Variants in USH2A observed in about 807,000 individuals in gnomAD.
USH2A encodes the protein Usher syndrome 2A (autosomal recessive, mild).
Under a neutral mutation model 538.9 loss-of-function variants are expected in USH2A, and 443 were observed. The observed-to-expected ratio is 0.82, with a 90% CI of 0.76 to 0.89. USH2A has a LOEUF of 0.89. USH2A is among the 40% of genes least tolerant of loss of function. The pLI is 0.00. For synonymous variants in USH2A, 2,413 were observed against 2,273.5 expected, an observed-to-expected ratio of 1.06 and a Z score of -1.75; for missense variants, 6,633 against 6,324.8, an observed-to-expected ratio of 1.05 and a Z score of -1.65.
intron 37 of USH2A, among the ~76,000 whole-genome samples, chr1:215,962,390 G>T (rs1372651526): frequency 6.6e-6 from 1 of 152,044 alleles, no homozygotes; most frequent in East Asian, 1.9e-4. Flanking sequence ...AATAATAAAA[G>T]ATTAGAAACA....
At chr1:215,699,081 T>C (rs1411557839) in intron 61 of USH2A, among the ~76,000 whole-genome samples, 1 of 152,236 alleles carries the variant, frequency 6.6e-6, no homozygotes, top group East Asian at 1.9e-4. Context: ...AGGGAATCCT[T>C]TCCCCATTGC....
chr1:216,016,269 C>T (rs962886475), intron 32 of USH2A, among the ~76,000 whole-genome samples: 2 of 152,014 alleles, frequency 1.3e-5, no homozygotes, highest in Non-Finnish European at 2.9e-5. Context: ...GTGCATCACA[C>T]CAACATGGCA....
At chr1:216,189,567 C>A (rs1227268285) in intron 20 of USH2A, among the ~76,000 whole-genome samples, 1 of 151,946 alleles carries the variant, frequency 6.6e-6, no homozygotes, top group Non-Finnish European at 1.5e-5. Context: ...CTGAATGAAG[C>A]AAGCACAAAT....
intron 32 of USH2A, among the ~76,000 whole-genome samples, chr1:216,040,863 A>G (rs2030245035): frequency 6.6e-6 from 1 of 152,036 alleles, no homozygotes; most frequent in African/African-American, 2.4e-5. Context: ...TAAGAGATTA[A>G]TGGAGATCTT....
At chr1:215,683,296 T>C (rs950450083) in intron 61 of USH2A, among the ~76,000 whole-genome samples, 3 of 152,090 alleles carry the variant, frequency 2.0e-5, no homozygotes, top group Admixed American at 1.3e-4. Flanking sequence ...TAAATAGATC[T>C]AAACAATAGC....
intron 27 of USH2A, among the ~76,000 whole-genome samples, chr1:216,077,845 A>C (rs2102553894): frequency 6.6e-6 from 1 of 151,676 alleles, no homozygotes; most frequent in South Asian, 2.1e-4. Context: ...ATTACTATTT[A>C]CTGAGGACAT....
chr1:216,364,598 A>T (rs2038558201), intron 4 of USH2A, among the ~76,000 whole-genome samples: 1 of 152,172 alleles, frequency 6.6e-6, no homozygotes, highest in Non-Finnish European at 1.5e-5. Context: ...AGGGGAGAAG[A>T]TTCAGAGGAG....
At chr1:216,093,153 C>T (rs1318169623) in intron 22 of USH2A, among the ~76,000 whole-genome samples, 10 of 151,902 alleles carry the variant, frequency 6.6e-5, no homozygotes, top group African/African-American at 1.5e-4. Context: ...TTAGTAGAAA[C>T]GGGGTTTCAC....
chr1:216,218,385 C>T (rs1367489303), intron 14 of USH2A, among the ~76,000 whole-genome samples: 1 of 152,068 alleles, frequency 6.6e-6, no homozygotes, highest in Admixed American at 6.6e-5. Flanking sequence ...AACGTTGGTG[C>T]CATGAGGTAT....
At chr1:216,128,733 A>C (rs1394081400) in intron 21 of USH2A, among the ~76,000 whole-genome samples, 8 of 152,050 alleles carry the variant, frequency 5.3e-5, no homozygotes, top group Admixed American at 4.6e-4. Context: ...AGCAAGCATC[A>C]TTTCTTTGTG....
At chr1:216,237,067 T>TCC (rs2035837725) in intron 13 of USH2A, among the ~76,000 whole-genome samples, 1 of 152,152 alleles carries the variant, frequency 6.6e-6, no homozygotes. Context: ...CTGTTCCCAT[T>TCC]CAGTGTTTAT....
intron 47 of USH2A, among the ~76,000 whole-genome samples, chr1:215,818,726 T>C (rs913565971): frequency 4.0e-5 from 6 of 151,832 alleles, no homozygotes; most frequent in African/African-American, 1.4e-4. Flanking sequence ...CTGAATAAAA[T>C]GATTTAGTCT....
At chr1:215,638,582 G>A (rs1656573633) in intron 69 of USH2A, among the ~76,000 whole-genome samples, 1 of 139,574 alleles carries the variant, frequency 7.2e-6, no homozygotes, top group South Asian at 2.3e-4. Context: ...TTGCACCACT[G>A]CACTCCAGCC....
intron 61 of USH2A, among the ~76,000 whole-genome samples, chr1:215,696,998 G>A (rs1281219691): frequency 6.6e-6 from 1 of 151,952 alleles, no homozygotes; most frequent in Non-Finnish European, 1.5e-5. Flanking sequence ...TGACACTCAG[G>A]CTGGGGTGCA....
intron 38 of USH2A, among the ~76,000 whole-genome samples, chr1:215,911,325 T>C (rs559009672): frequency 1.3e-5 from 2 of 152,050 alleles, no homozygotes; most frequent in South Asian, 4.2e-4. Context: ...TTTTAACCCA[T>C]TAAGCATCCC....
intron 11 of USH2A, among the ~76,000 whole-genome samples, chr1:216,286,714 A>T (rs1248263478): frequency 2.6e-5 from 4 of 151,660 alleles, no homozygotes; most frequent in Non-Finnish European, 5.9e-5. Flanking sequence ...ACAGAGCGAG[A>T]CTCTGTCTCT....
At chr1:215,826,174 C>T (rs758899724) in intron 47 of USH2A, among the ~76,000 whole-genome samples, 5 of 152,164 alleles carry the variant, frequency 3.3e-5, no homozygotes, top group African/African-American at 1.2e-4. Context: ...TGCAAGATGG[C>T]TAGGTTTGAG....
chr1:216,238,834 T>C (rs1440451027), intron 13 of USH2A, among the ~76,000 whole-genome samples: 2 of 152,174 alleles, frequency 1.3e-5, no homozygotes, highest in African/African-American at 4.8e-5. Context: ...GCAGAAGTCC[T>C]TAAGCTTGCT....
intron 45 of USH2A, 119 bp downstream of exon 45, chr1:215,845,705 C>A: frequency 9.2e-7 from 1 of 1,085,846 alleles, no homozygotes; most frequent in Non-Finnish European, 1.4e-6. Context: ...TAGCCTCCAC[C>A]CCCTTCCCTC....
Sources: gnomAD v4.1 joint callset for allele counts (sites outside exome capture counted in the v4.1 genomes callset) on GRCh38, gnomAD v4.1.1 for gene constraint, MANE v1.5 for transcripts, NCBI Gene and HGNC (gene_info 2026-07-23, HGNC 2026-07-21) for gene names.